ORC1: variants seen among roughly 807,000 people sequenced by gnomAD.
ORC1 encodes origin recognition complex, subunit 1 homolog.
ORC1 carries 61 observed loss-of-function variants against 98.9 expected under a neutral mutation model. That is an observed-to-expected ratio of 0.62 (90% confidence interval 0.50 to 0.76). The LOEUF is 0.76. ORC1 is among the 30% of genes least tolerant of loss of function. The probability of loss-of-function intolerance (pLI) is 0.00; values close to 1 mark genes in which losing one functional copy is unlikely to be tolerated. For synonymous variants in ORC1, 385 were observed against 406.9 expected, an observed-to-expected ratio of 0.95 and a Z score of 0.65; for missense variants, 979 against 1,072.2, an observed-to-expected ratio of 0.91 and a Z score of 1.21.
chr1:52,373,296 G>C lies in ORC1; in HGVS notation c.2471C>G (p.Ser824Cys), dbSNP rs746169337. 6.8e-6 allele frequency: 11 copies of C among 1,614,078 alleles called. No homozygotes were observed. The Admixed American group carries it at 1.7e-4, about 24-fold the overall frequency. The change falls in exon 17 of 17, where the codon TCT (serine) becomes TGT (cysteine). Residue 824 changes from serine (S) to cysteine (C), a missense_variant. Physicochemically the swap from Ser to Cys is moderately radical, Grantham distance 112. Transcript: ENST00000371568. The part of the protein sequence containing the change: ...PTMSETMAVC[S>C]HLGSCRLLLV... ...CAGGAGGCGACAGGAGCCCAGGTGAGAACACACGGCCATGGTCTCTGACAT... is the reference window on the plus strand; with the variant it reads ...CAGGAGGCGACAGGAGCCCAGGTGACAACACACGGCCATGGTCTCTGACAT...
At position 52,389,107 on chromosome 1, in the gene ORC1, G is replaced by A; in HGVS notation, c.1187+110C>T. ...TAATTCCAGACATGCTAGGTAAAAGGTCAATTTCAATGGATTGGCAAATAA... is the reference window on the plus strand; with the variant it reads ...TAATTCCAGACATGCTAGGTAAAAGATCAATTTCAATGGATTGGCAAATAA... On this transcript the variant is annotated intron_variant, in intron 7 of 16. Coordinates refer to ENST00000371568, the MANE Select transcript of ORC1 (RefSeq NM_004153.4). 3.5e-6 allele frequency: 3 copies of A among 847,922 alleles called. No homozygotes were observed. In the South Asian group the frequency reaches 4.1e-5, roughly 12 times the overall value. 52.5% of individuals were successfully genotyped at this position (847,922 alleles called of 1,614,324 possible). A position where few individuals can be genotyped will look rare whatever the true frequency, so the allele number is the denominator to read the frequency against.
chr1:52,396,362 CA>C lies in ORC1; in HGVS notation c.404del (p.Val135GlyfsTer4). On this transcript the variant is annotated frameshift_variant and splice_region_variant, in exon 5 of 17. Transcript: ENST00000371568. LOFTEE classifies it high-confidence loss of function. ...CCACATCCTTTGGGGCTAAAGGTAT[CA>C]CCTGAATTTAGGAAGTATAGATAAG... ...NAETIIGLVR[V>X]IPLAPKDVVP... 1 of 1,614,086 alleles carries C rather than the reference CA, an allele frequency of 6.2e-7. No homozygotes were observed. Among genetic ancestry groups the C allele is most frequent in the Non-Finnish European group, 8.5e-7 (1 of 1,180,004 alleles).
At chr1:52,405,111 G>A (rs747084373), upstream of ORC1, among the ~76,000 whole-genome samples, 1 of 152,224 alleles carries the variant, frequency 6.6e-6, no homozygotes, top group Non-Finnish European at 1.5e-5. Context: ...GGTGTTGTGA[G>A]TTATTCCGTA....
At chr1:52,374,125 CA>C (rs530029912) in intron 16 of ORC1, among the ~76,000 whole-genome samples, 120 of 152,280 alleles carry the variant, frequency 7.9e-4, no homozygotes, top group African/African-American at 2.6e-3. Flanking sequence ...GAAATGTTTA[CA>C]AACTAAAATG....
At chr1:52,399,381 T>C (rs994666243) in intron 3 of ORC1, among the ~76,000 whole-genome samples, 7 of 151,866 alleles carry the variant, frequency 4.6e-5, no homozygotes, top group African/African-American at 1.7e-4. Context: ...TCCCAGCACT[T>C]TGGGAGGCTG....
At chr1:52,386,238 G>A (rs1226327948) in intron 8 of ORC1, among the ~76,000 whole-genome samples, 5 of 152,164 alleles carry the variant, frequency 3.3e-5, no homozygotes, top group Admixed American at 1.3e-4. Context: ...CTATTTAAAA[G>A]TAAAATATTA....
chr1:52,404,518 C>T (rs1035273063), upstream of ORC1: 6 of 472,544 alleles, frequency 1.3e-5, no homozygotes, highest in African/African-American at 9.9e-5. Flanking sequence ...CTCCGTACAC[C>T]TAAGAGGGGC....
At position 52,393,734 on chromosome 1, in the gene ORC1, C is replaced by T. The variant is rs371746730; in HGVS notation, c.791G>A (p.Arg264Gln). ...ASLDSPGRIKRKVAFSEITSP... is the reference protein window; with the variant it reads ...ASLDSPGRIKQKVAFSEITSP... Reference sequence around the variant, plus strand: ...GGTGATCTCCGAGAAGGCCACTTTCCGTTTTATTCTTCCTGGAGAATCCAA... The same window carrying T: ...GGTGATCTCCGAGAAGGCCACTTTCTGTTTTATTCTTCCTGGAGAATCCAA... Residue 264 changes from arginine to glutamine, a missense_variant, in exon 6 of 17, where the codon CGG becomes CAG. Transcript: ENST00000371568. 45 of 1,613,796 alleles carry T rather than the reference C, an allele frequency of 2.8e-5. No individual in the cohort carries two copies. The highest frequency in any genetic ancestry group is 3.6e-5 in the Non-Finnish European group (43 of 1,179,968).
chr1:52,396,896 G>A (rs1246283717), intron 4 of ORC1, among the ~76,000 whole-genome samples: 1 of 152,098 alleles, frequency 6.6e-6, no homozygotes, highest in East Asian at 1.9e-4. Context: ...TCTAAGATCT[G>A]GCCTCATTTT....
intron 14 of ORC1, among the ~76,000 whole-genome samples, chr1:52,376,024 C>A (rs1410034734): frequency 1.3e-5 from 2 of 152,148 alleles, no homozygotes; most frequent in Non-Finnish European, 2.9e-5. Context: ...CCCCTTACAG[C>A]ACGTGGTGAA....
At chr1:52,393,385 C>CA (rs2147937333) in intron 6 of ORC1, 58 bp downstream of exon 6, 1 of 1,607,998 alleles carries the variant, frequency 6.2e-7, no homozygotes, top group East Asian at 2.2e-5. Flanking sequence ...CTATGACTCA[C>CA]ATACTTCACG....
chr1:52,395,733 T>G (rs1647362801), intron 5 of ORC1, among the ~76,000 whole-genome samples: 1 of 152,192 alleles, frequency 6.6e-6, no homozygotes, highest in Non-Finnish European at 1.5e-5. Context: ...GGAGGATCAT[T>G]TGAGCCCAAG....
At chr1:52,398,267 ATT>A (rs78607222) in intron 3 of ORC1, among the ~76,000 whole-genome samples, 1 of 89,746 alleles carries the variant, frequency 1.1e-5, no homozygotes, top group African/African-American at 4.2e-5. Flanking sequence ...TCCCGCCAAA[ATT>A]TTTTTTTTTT....
intron 3 of ORC1, among the ~76,000 whole-genome samples, chr1:52,401,097 C>T (rs865800261): frequency 2.0e-4 from 31 of 151,430 alleles, no homozygotes; most frequent in African/African-American, 7.5e-4. Context: ...TCTCTCCATC[C>T]CCCCCAATTC....
upstream of ORC1, chr1:52,408,553 G>T (rs933067782): frequency 6.2e-7 from 1 of 1,613,920 alleles, no homozygotes; most frequent in Non-Finnish European, 8.5e-7. Context: ...TTGTTTCACT[G>T]TCATCTGTCT....
chr1:52,393,855 C>A (rs1306996729), intron 5 of ORC1, 52 bp from the exon 6 acceptor site: 5 of 1,591,844 alleles, frequency 3.1e-6, no homozygotes, highest in Non-Finnish European at 4.3e-6. Flanking sequence ...ATATACAAAC[C>A]CACAATCTCA....
intron 13 of ORC1, among the ~76,000 whole-genome samples, chr1:52,382,219 T>C (rs1042694306): frequency 6.6e-6 from 1 of 152,154 alleles, no homozygotes; most frequent in African/African-American, 2.4e-5. Context: ...GACCTCGGGA[T>C]CCACCTGCCT....
intron 16 of ORC1, among the ~76,000 whole-genome samples, 181 bp from the exon 17 acceptor site, chr1:52,373,556 T>C (rs534923272): frequency 6.6e-6 from 1 of 152,310 alleles, no homozygotes; most frequent in East Asian, 1.9e-4. Flanking sequence ...AATGCTAGCC[T>C]TGGAATCAGA....
chr1:52,375,382 C>T (rs758932020), intron 15 of ORC1, 48 bp downstream of exon 15: 1 of 1,567,354 alleles, frequency 6.4e-7, no homozygotes, highest in Non-Finnish European at 8.8e-7. Context: ...GAAAGGGAAA[C>T]ATGTTTCTAC....
Sources: gnomAD v4.1 joint callset for allele counts (sites outside exome capture counted in the v4.1 genomes callset) on GRCh38, gnomAD v4.1.1 for gene constraint, MANE v1.5 for transcripts, NCBI Gene and HGNC (gene_info 2026-07-23, HGNC 2026-07-21) for gene names.